The following LRRC4C variants were observed in gnomAD, a reference collection of about 807,000 sequenced individuals.
LRRC4C encodes the protein leucine rich repeat containing 4C, also known as leucine-rich repeat-containing protein 4C.
A neutral mutation model predicts 33.6 loss-of-function variants in LRRC4C; 5 were observed. The observed-to-expected ratio is 0.15, with a 90% CI of 0.08 to 0.31. LRRC4C has a LOEUF of 0.31. Among genes scored for constraint, LRRC4C ranks in the 10% least tolerant of loss-of-function variants. LRRC4C has a pLI of 1.00. For synonymous variants in LRRC4C, 329 were observed against 302.0 expected (o/e 1.09, Z -0.93); for missense variants, 560 against 796.7 (o/e 0.70, Z 3.58).
chr11:40,731,565 A>G (rs1341779093), intron 2 of LRRC4C, among the ~76,000 whole-genome samples: 1 of 152,182 alleles, frequency 6.6e-6, no homozygotes, highest in African/African-American at 2.4e-5. Context: ...TAGCAATGCA[A>G]GAATGGCCTA....
intron 2 of LRRC4C, among the ~76,000 whole-genome samples, chr11:40,906,588 T>C (rs928898537): frequency 1.3e-5 from 2 of 152,152 alleles, no homozygotes; most frequent in Admixed American, 1.3e-4. Context: ...GACTTTTATA[T>C]ACACTGGGAA....
intron 1 of LRRC4C, among the ~76,000 whole-genome samples, chr11:41,381,107 A>T (rs1157266643): frequency 6.6e-6 from 1 of 152,150 alleles, no homozygotes; most frequent in Non-Finnish European, 1.5e-5. Context: ...TAGAGAAGCG[A>T]GCACATAGGA....
intron 2 of LRRC4C, among the ~76,000 whole-genome samples, chr11:40,676,402 T>A (rs998201489): frequency 6.6e-6 from 1 of 152,158 alleles, no homozygotes; most frequent in East Asian, 1.9e-4. Context: ...CCTCCTACAC[T>A]GTAGGAATTC....
At chr11:40,166,924 T>G (rs1241948885) in intron 5 of LRRC4C, among the ~76,000 whole-genome samples, 1 of 152,136 alleles carries the variant, frequency 6.6e-6, no homozygotes, top group Admixed American at 6.5e-5. Flanking sequence ...GGAGTCAAAA[T>G]TATTGCTTTA....
At chr11:40,509,091 A>C in intron 3 of LRRC4C, among the ~76,000 whole-genome samples, 1 of 152,170 alleles carries the variant, frequency 6.6e-6, no homozygotes. Flanking sequence ...ATATCAAGGA[A>C]ATAATATATA....
At chr11:40,426,045 G>A (rs143310411) in intron 3 of LRRC4C, among the ~76,000 whole-genome samples, 3,204 of 141,212 alleles carry the variant, frequency 0.023, 46 homozygotes, top group African/African-American at 0.038. Context: ...ACAGAGTCTC[G>A]CTCTGTCACC....
chr11:40,443,333 T>C (rs1490428561), intron 3 of LRRC4C, among the ~76,000 whole-genome samples: 1 of 152,204 alleles, frequency 6.6e-6, no homozygotes, highest in Non-Finnish European at 1.5e-5. Flanking sequence ...GGCGCTTTCA[T>C]TGCTATTACA....
chr11:41,305,977 C>T (rs1241407763), intron 1 of LRRC4C, among the ~76,000 whole-genome samples: 6 of 149,538 alleles, frequency 4.0e-5, no homozygotes, highest in South Asian at 4.2e-4. Context: ...CGGGATCCTC[C>T]GTATGCTGAA....
At chr11:41,145,643 A>G (rs1251868261) in intron 1 of LRRC4C, among the ~76,000 whole-genome samples, 1 of 152,274 alleles carries the variant, frequency 6.6e-6, no homozygotes, top group East Asian at 1.9e-4. Flanking sequence ...CCCATATAGT[A>G]ATTATTCATG....
chr11:40,375,481 A>T (rs1326500362), intron 3 of LRRC4C, among the ~76,000 whole-genome samples: 3 of 152,164 alleles, frequency 2.0e-5, no homozygotes, highest in African/African-American at 7.2e-5. Flanking sequence ...TTAGTTTTTA[A>T]GTTGAGGAAG....
intron 1 of LRRC4C, among the ~76,000 whole-genome samples, chr11:40,940,707 C>A (rs1191068580): frequency 6.6e-6 from 1 of 152,056 alleles, no homozygotes; most frequent in African/African-American, 2.4e-5. Context: ...GCATTCTGTG[C>A]TTTTCATATT....
chr11:40,702,517 A>C (rs1388391206), intron 2 of LRRC4C, among the ~76,000 whole-genome samples: 3 of 152,142 alleles, frequency 2.0e-5, no homozygotes, highest in Admixed American at 2.0e-4. Flanking sequence ...TTACATAAAA[A>C]ATATCCTTTC....
At chr11:41,455,032 G>A (rs557974837) in intron 1 of LRRC4C, among the ~76,000 whole-genome samples, 14 of 152,042 alleles carry the variant, frequency 9.2e-5, no homozygotes, top group South Asian at 6.2e-4. Context: ...AAGGCTTCAT[G>A]AGATTAGGTA....
intron 3 of LRRC4C, among the ~76,000 whole-genome samples, chr11:40,323,139 T>G (rs1026074608): frequency 1.2e-4 from 19 of 152,164 alleles, no homozygotes; most frequent in African/African-American, 4.6e-4. Flanking sequence ...GCAATTGCAC[T>G]CAAAGGCAGA....
chr11:41,396,122 C>T (rs920093043), intron 1 of LRRC4C, among the ~76,000 whole-genome samples: 27 of 151,864 alleles, frequency 1.8e-4, no homozygotes, highest in Middle Eastern at 3.4e-3. Flanking sequence ...CCAATGTGGC[C>T]CAGGGAAGCC....
At chr11:40,989,981 T>C (rs1237847556) in intron 1 of LRRC4C, among the ~76,000 whole-genome samples, 1 of 151,708 alleles carries the variant, frequency 6.6e-6, no homozygotes, top group Non-Finnish European at 1.5e-5. Context: ...ATTTAAAGTA[T>C]AAGGGAGGAT....
chr11:41,322,972 C>A (rs1450719453), intron 1 of LRRC4C, among the ~76,000 whole-genome samples: 1 of 152,068 alleles, frequency 6.6e-6, no homozygotes, highest in Non-Finnish European at 1.5e-5. Context: ...ATGGTCCTGG[C>A]TAACCACAAA....
At chr11:40,553,440 C>T (rs573402493) in intron 3 of LRRC4C, among the ~76,000 whole-genome samples, 1 of 152,076 alleles carries the variant, frequency 6.6e-6, no homozygotes, top group Non-Finnish European at 1.5e-5. Context: ...ATTGAGGTAA[C>T]ATAATTTTTT....
chr11:41,105,212 T>C (rs1941425092), intron 1 of LRRC4C, among the ~76,000 whole-genome samples: 1 of 152,036 alleles, frequency 6.6e-6, no homozygotes, highest in Non-Finnish European at 1.5e-5. Context: ...GTGGTCCCTT[T>C]TGACTTCAGT....
Sources: allele counts gnomAD v4.1 joint callset (sites outside exome capture counted in the v4.1 genomes callset), GRCh38; gene constraint gnomAD v4.1.1; transcripts MANE v1.5; gene names NCBI Gene and HGNC (gene_info 2026-07-23, HGNC 2026-07-21).